The following CUX1 variants were observed in gnomAD, a reference collection of about 807,000 sequenced individuals.
CUX1 encodes the protein cut like homeobox 1, also known as protein CASP.
A neutral mutation model predicts 158.8 loss-of-function variants in CUX1; 31 were observed. That is an observed-to-expected ratio of 0.20 (90% CI 0.15 to 0.26). The LOEUF (loss-of-function observed/expected upper bound fraction) is 0.26. Among genes scored for constraint, CUX1 ranks in the 10% least tolerant of loss-of-function variants. CUX1 has a pLI of 1.00. For missense variants in CUX1, 1,589 were observed against 2,014.6 expected, an observed-to-expected ratio of 0.79 and a Z score of 4.04; for synonymous variants, 879 against 862.1, an observed-to-expected ratio of 1.02 and a Z score of -0.34.
At chr7:102,238,272 G>C (rs890412880) in intron 22 of CUX1, among the ~76,000 whole-genome samples, 1 of 152,116 alleles carries the variant, frequency 6.6e-6, no homozygotes, top group Non-Finnish European at 1.5e-5. Flanking sequence ...TGACACTGAG[G>C]CTACCGCTAG....
chr7:102,144,353 G>A (rs1444355767), intron 8 of CUX1, among the ~76,000 whole-genome samples: 3 of 151,920 alleles, frequency 2.0e-5, no homozygotes, highest in Non-Finnish European at 1.5e-5. Flanking sequence ...CGACGTACGC[G>A]TGACCTGGTG....
intron 3 of CUX1, among the ~76,000 whole-genome samples, chr7:102,068,908 C>T (rs759733166): frequency 2.6e-5 from 4 of 152,138 alleles, no homozygotes; most frequent in African/African-American, 7.2e-5. Flanking sequence ...TTTGCATATG[C>T]GTCCAGCATA....
At chr7:102,236,915 C>T (rs1799632841) in intron 22 of CUX1, among the ~76,000 whole-genome samples, 1 of 152,222 alleles carries the variant, frequency 6.6e-6, no homozygotes, top group Admixed American at 6.5e-5. Context: ...GGGCCCAGAC[C>T]TTTCCAAAGG....
intron 2 of CUX1, among the ~76,000 whole-genome samples, chr7:101,928,734 G>C (rs998032831): frequency 5.4e-5 from 8 of 146,824 alleles, no homozygotes; most frequent in Non-Finnish European, 7.5e-5. Flanking sequence ...GCAGGGGCGC[G>C]ATCTCGGCTC....
intron 9 of CUX1, among the ~76,000 whole-genome samples, chr7:102,158,962 G>A (rs999950719): frequency 3.9e-5 from 6 of 152,146 alleles, no homozygotes; most frequent in African/African-American, 1.2e-4. Context: ...AATTATCCTC[G>A]GAGAGTTCCT....
intron 4 of CUX1, among the ~76,000 whole-genome samples, chr7:102,095,429 A>G (rs1829077861): frequency 6.6e-6 from 1 of 152,182 alleles, no homozygotes; most frequent in Non-Finnish European, 1.5e-5. Flanking sequence ...GTGCAGAGTA[A>G]GTGCCCAGCA....
chr7:102,039,536 T>C (rs1363559717), intron 3 of CUX1, among the ~76,000 whole-genome samples: 1 of 151,890 alleles, frequency 6.6e-6, no homozygotes, highest in Non-Finnish European at 1.5e-5. Flanking sequence ...ACACCTGTAG[T>C]CCCAGCTACT....
chr7:101,994,926 C>CAAAAAAA (rs796784920), intron 2 of CUX1, among the ~76,000 whole-genome samples: 1 of 47,668 alleles, frequency 2.1e-5, no homozygotes, highest in Non-Finnish European at 4.3e-5. Context: ...CTCATCTCTA[C>CAAAAAAA]AAAAAAAAAA....
At chr7:102,094,851 G>A (rs1297287616) in intron 4 of CUX1, among the ~76,000 whole-genome samples, 1 of 152,170 alleles carries the variant, frequency 6.6e-6, no homozygotes. Context: ...AGGTCGTGAA[G>A]GTGGGGAAGA....
At chr7:102,018,525 C>A (rs1327030031) in intron 2 of CUX1, among the ~76,000 whole-genome samples, 2 of 152,124 alleles carry the variant, frequency 1.3e-5, no homozygotes, top group Non-Finnish European at 2.9e-5. Flanking sequence ...CTTGCATGCC[C>A]CTCTCACTGG....
chr7:102,216,244 G>C lies in CUX1; in HGVS notation c.3130+11074G>C, dbSNP rs183847071. ...GAGGCGGAAGGATCATTGGACCCTA[G>C]GAGGTGGAGGTTGCAGTGAGCTGAG... On this transcript the variant is annotated intron_variant, in intron 20 of 23. Transcript: ENST00000292535. Among the ~76,000 whole-genome samples, 810 of 152,170 alleles carry C rather than the reference G, an allele frequency of 5.3e-3. 31 individuals are homozygous for C. The highest frequency in any genetic ancestry group is 1.1e-3 in the Non-Finnish European group (72 of 67,980).
intron 2 of CUX1, among the ~76,000 whole-genome samples, chr7:101,945,147 CAG>C (rs978097339): frequency 2.0e-5 from 3 of 152,154 alleles, no homozygotes; most frequent in Admixed American, 6.5e-5. Context: ...TGCTGGGAGT[CAG>C]GGGTGGATGA....
At chr7:102,239,744 C>A (rs1450185799) in intron 23 of CUX1, among the ~76,000 whole-genome samples, 160 bp downstream of exon 23, 1 of 149,258 alleles carries the variant, frequency 6.7e-6, no homozygotes. Context: ...TTTTTTTTTT[C>A]TTTTCTTTTC....
intron 1 of CUX1, among the ~76,000 whole-genome samples, chr7:101,894,320 T>G (rs143797760): frequency 0.024 from 3,720 of 152,336 alleles, 144 homozygotes; most frequent in African/African-American, 0.081. Flanking sequence ...GTTTTTTGTT[T>G]GTTTGTTTTT....
rs1198937600 is a variant in CUX1, at chr7:102,238,551, A to T, written c.3623-769A>T. 2.0e-5 allele frequency among the ~76,000 whole-genome samples: 3 copies of T among 152,120 alleles called. No homozygotes were observed. The East Asian group carries it at 5.8e-4, about 29-fold the overall frequency. ...ATATTCATATATAATCATATCTAAG[A>T]TCTATATCTGGTGTAACTATTCTTG... On this transcript the variant is annotated intron_variant, in intron 22 of 23. Coordinates refer to ENST00000292535, the MANE Select transcript of CUX1 (RefSeq NM_181552.4).
intron 2 of CUX1, among the ~76,000 whole-genome samples, chr7:101,993,908 C>G (rs1320004714): frequency 6.6e-6 from 1 of 152,202 alleles, no homozygotes; most frequent in Non-Finnish European, 1.5e-5. Context: ...TCCCAGCGCT[C>G]CTGTTACTCT....
intron 4 of CUX1, among the ~76,000 whole-genome samples, chr7:102,091,489 G>GC (rs1328507400): frequency 2.0e-5 from 3 of 151,086 alleles, no homozygotes; most frequent in African/African-American, 7.3e-5. Flanking sequence ...TTCCCACCAT[G>GC]CCCAGCTAAT....
intron 20 of CUX1, among the ~76,000 whole-genome samples, chr7:102,224,270 G>A (rs1200642194): frequency 2.6e-5 from 4 of 152,048 alleles, no homozygotes; most frequent in Non-Finnish European, 5.9e-5. Context: ...GCCATGGCAC[G>A]ATCTCAGCTC....
At chr7:102,050,670 C>A (rs971976710) in intron 3 of CUX1, among the ~76,000 whole-genome samples, 2 of 150,368 alleles carry the variant, frequency 1.3e-5, no homozygotes, top group African/African-American at 5.0e-5. Flanking sequence ...CAGTATTAGA[C>A]CCTGTGAATT....
Sources: allele counts gnomAD v4.1 joint callset (sites outside exome capture counted in the v4.1 genomes callset), GRCh38; gene constraint gnomAD v4.1.1; transcripts MANE v1.5; gene names NCBI Gene and HGNC (gene_info 2026-07-23, HGNC 2026-07-21).